SCAP: variants seen among roughly 807,000 people sequenced by gnomAD.
SCAP encodes sterol regulatory element-binding protein cleavage-activating protein.
A neutral mutation model predicts 123.6 loss-of-function variants in SCAP; 65 were observed. The observed-to-expected ratio is 0.53, with a 90% CI of 0.43 to 0.65. The LOEUF is 0.65. Among genes scored for constraint, SCAP ranks in the 30% least tolerant of loss-of-function variants. The pLI, the probability that SCAP is intolerant of heterozygous loss-of-function variation, is 0.00. For synonymous variants in SCAP, 740 were observed against 726.3 expected, an observed-to-expected ratio of 1.02 and a Z score of -0.30; for missense variants, 1,398 against 1,712.5, an observed-to-expected ratio of 0.82 and a Z score of 3.24.
At chr3:47,433,160 C>T (rs1706435550) in intron 3 of SCAP, among the ~76,000 whole-genome samples, 1 of 152,210 alleles carries the variant, frequency 6.6e-6, no homozygotes, top group Non-Finnish European at 1.5e-5. Context: ...AATTCCCTTT[C>T]ACTTACTCTG....
Position 47,449,894 on chromosome 3 carries a change from A to G in SCAP, c.-98-6803T>C, listed in dbSNP as rs944420063. On this transcript the variant is annotated intron_variant, in intron 1 of 22. Transcript: ENST00000265565. ...GGGATTTCAGTTGCTCTCTTCAGAC[A>G]TAAAGGGTGGAGTATGTTTACTCCA... Among the ~76,000 whole-genome samples the G allele has an allele frequency of 4.8e-5, 6 of 125,756 alleles. 3 individuals are homozygous for G. The highest frequency in any genetic ancestry group is 1.7e-4 in the Admixed American group (2 of 11,498). The allele number at this position is 125,756 out of a possible 152,430, so 82.5% of individuals were successfully genotyped here. A position where few individuals can be genotyped will look rare whatever the true frequency, so the allele number is the denominator to read the frequency against.
At chr3:47,463,043 A>G (rs1576312991) in intron 1 of SCAP, among the ~76,000 whole-genome samples, 1 of 152,024 alleles carries the variant, frequency 6.6e-6, no homozygotes, top group South Asian at 2.1e-4. Flanking sequence ...TCCACTTGGT[A>G]TCTCCACTCA....
rs761995577 is a variant in SCAP at position 47,414,982 on chromosome 3, G to C, written c.3151C>G (p.Arg1051Gly). 1 of 1,592,240 alleles carries C rather than the reference G, an allele frequency of 6.3e-7. No individual in the cohort carries two copies. Among genetic ancestry groups the C allele is most frequent in the East Asian group, 2.2e-5 (1 of 44,722 alleles). Residue 1051 changes from arginine to glycine, a missense_variant, in exon 20 of 23, where the codon CGG becomes GGG. Coordinates refer to ENST00000265565, the MANE Select transcript of SCAP (RefSeq NM_012235.4). The part of the protein sequence containing the change: ...SPLQFRGTPG[R>G]GSSPASPVYS... ...ACTGGAGAGGCAGGGGAACTGCCCC[G>C]CCCTGGGGTCCCTGAGGACAAAAGG...
At chr3:47,457,619 T>C (rs1281965003) in intron 1 of SCAP, among the ~76,000 whole-genome samples, 1 of 152,132 alleles carries the variant, frequency 6.6e-6, no homozygotes, top group African/African-American at 2.4e-5. Context: ...AGAAAATTAC[T>C]TCTCTGGGCC....
intron 1 of SCAP, among the ~76,000 whole-genome samples, chr3:47,449,926 T>C (rs1707181139): frequency 8.0e-6 from 1 of 125,592 alleles, no homozygotes; most frequent in Admixed American, 8.7e-5. Flanking sequence ...TCCATCTTTA[T>C]CACATCAGAA....
rs1705838493 is a variant in SCAP at position 47,420,387 on chromosome 3, G to A, written c.1563+167C>T. On this transcript the variant is annotated intron_variant, in intron 12 of 22. Coordinates refer to ENST00000265565, the MANE Select transcript of SCAP (RefSeq NM_012235.4). The surrounding 1 kb of genome is among the most constrained non-coding windows in gnomAD (Gnocchi z 5.0). ...GCTTATCTCCTCAGAAGCCACTAGG[G>A]TCTGGGCAGGGAGGACACAACGGGC... Among the ~76,000 whole-genome samples, 1 of 152,176 alleles carries A rather than the reference G, an allele frequency of 6.6e-6. No individual in the cohort carries two copies. The highest frequency in any genetic ancestry group is 1.5e-5 in the Non-Finnish European group (1 of 68,024).
At chr3:47,473,211 CCAGT>C (rs767071650) in intron 1 of SCAP, among the ~76,000 whole-genome samples, 1 of 151,954 alleles carries the variant, frequency 6.6e-6, no homozygotes, top group Admixed American at 6.6e-5. Flanking sequence ...TGACCCAGGG[CCAGT>C]CAAATAACTT....
Position 47,418,460 on chromosome 3 carries a change from C to G in SCAP, c.2192G>C (p.Arg731Pro), listed in dbSNP as rs1202604067. The change falls in exon 15 of 23, where the codon CGC (arginine) becomes CCC (proline). Residue 731 changes from arginine (R) to proline (P), a missense_variant. Physicochemically the swap from Arg to Pro is moderately radical, Grantham distance 103. Transcript: ENST00000265565. ...VLVLLLLCLY[R>P]VLCPRNYGQL... ...CCCGTAGTTGCGCGGGCATAGCACG[C>G]GGTAGAGGCAGAGCAGCAGCAGCAC... 1 of 1,598,066 alleles carries G rather than the reference C, an allele frequency of 6.3e-7. No homozygotes were observed. The highest frequency in any genetic ancestry group is 1.1e-5 in the South Asian group (1 of 89,236).
rs373949576 is a variant in SCAP, at chr3:47,417,169, G to A, written c.3009C>T (p.Ser1003=). 8 of 1,612,900 alleles carry A rather than the reference G, an allele frequency of 5.0e-6. No individual in the cohort carries two copies. The Admixed American group carries it at 6.7e-5, about 13-fold the overall frequency. ...CGGTAATGCCTGAGGAGACCTCCTC[G>A]CTGCTGCAGCACAGCACCCCTTCAA... The part of the protein sequence containing the change: ...DAIEGVLCCS[S]EEVSSGITAL... The change falls in exon 18 of 23, where the codon AGC becomes AGT. Residue 1003 remains serine (S), a synonymous_variant. Coordinates refer to ENST00000265565, the MANE Select transcript of SCAP (RefSeq NM_012235.4).
chr3:47,470,321 G>T (rs1707983029), intron 1 of SCAP, among the ~76,000 whole-genome samples: 1 of 152,158 alleles, frequency 6.6e-6, no homozygotes, highest in Non-Finnish European at 1.5e-5. Flanking sequence ...AAATAAAAAA[G>T]AACCTAGGGG....
chr3:47,415,632 A>G (rs1446109151), intron 18 of SCAP, among the ~76,000 whole-genome samples: 1 of 152,136 alleles, frequency 6.6e-6, no homozygotes, highest in Non-Finnish European at 1.5e-5. Flanking sequence ...AGCTCACATC[A>G]ATTCCTTTTT....
At chr3:47,418,608 C>T (rs765869950) in intron 14 of SCAP, 47 bp downstream of exon 14, 30 of 1,519,432 alleles carry the variant, frequency 2.0e-5, no homozygotes, top group Non-Finnish European at 2.7e-5. Flanking sequence ...GCCTACCCGT[C>T]CCCCTCCCCG....
At chr3:47,460,948 C>A (rs1707616887) in intron 1 of SCAP, among the ~76,000 whole-genome samples, 1 of 152,118 alleles carries the variant, frequency 6.6e-6, no homozygotes, top group Admixed American at 6.5e-5. Flanking sequence ...AAGAAGAAAG[C>A]CAAGAGATGA....
chr3:47,429,125 T>TA (rs1360300405), intron 3 of SCAP: 1 of 159,792 alleles, frequency 6.3e-6, no homozygotes, highest in Non-Finnish European at 1.4e-5. Context: ...CCTTTCCTAA[T>TA]AAAATTACTG....
At chr3:47,444,145 GAA>G (rs1339952429) in intron 1 of SCAP, among the ~76,000 whole-genome samples, 5 of 152,154 alleles carry the variant, frequency 3.3e-5, no homozygotes, top group Non-Finnish European at 7.4e-5. Flanking sequence ...AATCAGAATA[GAA>G]AACTCTAGGA....
chr3:47,432,327 AAAAAAG>A (rs1383353009), intron 3 of SCAP, among the ~76,000 whole-genome samples: 3 of 151,658 alleles, frequency 2.0e-5, no homozygotes, highest in Admixed American at 1.3e-4. Context: ...AAAAAAAAAA[AAAAAAG>A]AAAAGAAAAA....
intron 6 of SCAP, among the ~76,000 whole-genome samples, chr3:47,426,537 A>G (rs1706139168): frequency 6.6e-6 from 1 of 152,136 alleles, no homozygotes; most frequent in Non-Finnish European, 1.5e-5. Flanking sequence ...TCCTGGGTTC[A>G]CACCATCCTC....
In SCAP at chr3:47,426,066, C is replaced by T. The variant is rs1421610806; in HGVS notation, c.841G>A (p.Gly281Ser). The T allele has an allele frequency of 4.3e-6, 7 of 1,614,138 alleles. No individual in the cohort carries two copies. The highest frequency in any genetic ancestry group is 5.9e-6 in the Non-Finnish European group (7 of 1,179,992). The change falls in exon 7 of 23, where the codon GGT becomes AGT. Residue 281 changes from glycine to serine, a missense_variant. Gly to Ser is a moderately conservative substitution (Grantham distance 56). Coordinates refer to ENST00000265565, the MANE Select transcript of SCAP (RefSeq NM_012235.4). Reference protein sequence around the residue: ...LVHVHFKEEIGVAELIPLVTT... With the variant: ...LVHVHFKEEISVAELIPLVTT... ...ACAAGGGGGATGAGCTCAGCGACAC[C>T]AATCTCCTCCTTGAAGTGCACGTGG...
At chr3:47,452,430 C>T (rs1443948253) in intron 1 of SCAP, among the ~76,000 whole-genome samples, 2 of 152,166 alleles carry the variant, frequency 1.3e-5, no homozygotes, top group African/African-American at 4.8e-5. Context: ...ATTATTAGGA[C>T]AGTGCTCAGT....
Sources: allele counts gnomAD v4.1 joint callset (sites outside exome capture counted in the v4.1 genomes callset), GRCh38; gene constraint gnomAD v4.1.1; non-coding constraint Gnocchi (gnomAD v3.1); transcripts MANE v1.5; gene names NCBI Gene and HGNC (gene_info 2026-07-23, HGNC 2026-07-21).